MED12: variants seen among roughly 807,000 people sequenced by gnomAD.
The protein encoded by MED12 is mediator of RNA polymerase II transcription subunit 12.
Under a neutral mutation model 177.7 loss-of-function variants are expected in MED12, and 10 were observed. The ratio of observed to expected loss-of-function variants is 0.06; its 90% CI spans 0.03 to 0.10. The LOEUF (loss-of-function observed/expected upper bound fraction) is 0.10, where lower values mean the gene tolerates loss of function less well. Ranked by LOEUF, MED12 falls within the 10% of genes least tolerant of loss-of-function variation. MED12 has a pLI of 1.00. For synonymous variants in MED12, 641 were observed against 678.4 expected (o/e 0.94, Z 0.86); for missense variants, 867 against 1,780.8 (o/e 0.49, Z 9.23).
rs756037504 is a variant in MED12 at position 71,129,187 on chromosome X, G to A, written c.3549G>A (p.Pro1183=). The stretch of plus-strand genomic sequence containing the variant: ...TCCTCCTTCACCTTTTCAAGACACC[G>A]CAGCTCAATCCTTGCCAGTCTGATG... ...CRILLHLFKT[P]QLNPCQSDGN... The change falls in exon 25 of 45, where the codon CCG becomes CCA. Residue 1183 remains proline (P), a synonymous_variant. Transcript: ENST00000374080. 9.9e-6 allele frequency: 12 copies of A among 1,210,544 alleles called. No individual in the cohort carries two copies. The highest frequency in any genetic ancestry group is 1.1e-5 in the Non-Finnish European group (10 of 894,590).
At position 71,142,349 on chromosome X, in the gene MED12, A is replaced by G; in HGVS notation, c.*131A>G. On this transcript the variant is annotated 3_prime_UTR_variant, in exon 45 of 45. Transcript: ENST00000374080. The stretch of plus-strand genomic sequence containing the variant: ...CAGGCTCCATTTTTAATAAGTTTTT[A>G]GTATTTTTGTTAATGTGAGGCATTG... 1 of 668,390 alleles carries G rather than the reference A, an allele frequency of 1.5e-6. No homozygotes were observed. The highest frequency in any genetic ancestry group is 2.3e-6 in the Non-Finnish European group (1 of 429,797). The allele number at this position is 668,390 out of a possible 1,213,427, so 55.1% of individuals were successfully genotyped here.
At chrX:71,137,464 G>A in intron 39 of MED12, 81 bp downstream of exon 39, 1 of 1,156,648 alleles carries the variant, frequency 8.6e-7, no homozygotes, top group Admixed American at 2.3e-5. Flanking sequence ...GAGACACTTG[G>A]GATCTTCACA....
chrX:71,125,943 C>A (rs2092302266), intron 17 of MED12, 93 bp from the exon 18 acceptor site: 1 of 573,085 alleles, frequency 1.7e-6, no homozygotes, highest in South Asian at 2.3e-5. Flanking sequence ...CCCTCCCTCC[C>A]TCCCATAGCC....
chrX:71,139,847 C>T lies in MED12; in HGVS notation c.6045-788C>T, dbSNP rs927167152. On this transcript the variant is annotated intron_variant, in intron 41 of 44. Transcript: ENST00000374080. ...CTGAGAGGTGGAGGTTGCAGTGAGC[C>T]GAGATCGCATCATTGCACTCCAGCC... 6.4e-5 allele frequency among the ~76,000 whole-genome samples: 7 copies of T among 108,776 alleles called. No homozygotes were observed. In the East Asian group the frequency reaches 1.2e-3, roughly 19 times the overall value. The allele number at this position is 108,776 out of a possible 115,157, so 94.5% of individuals were successfully genotyped here.
In MED12 at chrX:71,130,088, G is replaced by A; in HGVS notation, c.3921G>A (p.Leu1307=). The A allele has an allele frequency of 8.3e-7, 1 of 1,209,955 alleles. No homozygotes were observed. Among genetic ancestry groups the A allele is most frequent in the Non-Finnish European group, 1.1e-6 (1 of 894,472 alleles). The stretch of plus-strand genomic sequence containing the variant: ...CTCTGTGTGAGGACAGCAATGACCT[G>A]CAAGACCCAGTGTTGAGTAGTGCCC... ...LKSLCEDSND[L]QDPVLSSAQA... The change falls in exon 28 of 45, where the codon CTG becomes CTA. Residue 1307 remains leucine, a synonymous_variant. Coordinates refer to ENST00000374080, the MANE Select transcript of MED12 (RefSeq NM_005120.3).
At chrX:71,131,142 T>G (rs1602300809) in intron 28 of MED12, among the ~76,000 whole-genome samples, 1 of 105,653 alleles carries the variant, frequency 9.5e-6, no homozygotes, top group East Asian at 2.9e-4. Flanking sequence ...TTTTTTTTTT[T>G]TTTGAGACGG....
chrX:71,122,301 G>T lies in MED12; in HGVS notation c.1203G>T (p.Pro401=), dbSNP rs368546216. The T allele has an allele frequency of 2.5e-6, 3 of 1,210,048 alleles. No homozygotes were observed. The African/African-American group carries it at 5.2e-5, about 21-fold the overall frequency. Residue 401 remains proline (P), a synonymous_variant, in exon 8 of 45, where the codon CCG becomes CCT. Coordinates refer to ENST00000374080, the MANE Select transcript of MED12 (RefSeq NM_005120.3). ...GSPLDHLPIA[P]SNLPMPEGNS... The stretch of plus-strand genomic sequence containing the variant: ...CACTTGACCACTTGCCTATTGCCCC[G>T]TCCAACCTGCCCATGCCAGAGGGTA...
chrX:71,140,595 C>T (rs2092344474), intron 41 of MED12, 40 bp from the exon 42 acceptor site: 1 of 1,211,263 alleles, frequency 8.3e-7, no homozygotes, highest in Non-Finnish European at 1.1e-6. Context: ...CTCTCCTCAC[C>T]TCCCTCATGC....
At chrX:71,126,894 C>T in intron 19 of MED12, 75 bp from the exon 20 acceptor site, 2 of 1,076,060 alleles carry the variant, frequency 1.9e-6, no homozygotes, top group East Asian at 3.0e-5. Context: ...GCCTTGCCAG[C>T]GTCCCCACAG....
chrX:71,128,267 T>C lies in MED12; in HGVS notation c.3210-29T>C, dbSNP rs181504913. 5 of 1,209,788 alleles carry C rather than the reference T, an allele frequency of 4.1e-6. No individual in the cohort carries two copies. The African/African-American group carries it at 5.3e-5, about 13-fold the overall frequency. ...TCTGAGGTTTTGTGGAGCAAGGTTTTTCCTGAGGGCATTTGTACTTTTCCC... is the reference window on the plus strand; with the variant it reads ...TCTGAGGTTTTGTGGAGCAAGGTTTCTCCTGAGGGCATTTGTACTTTTCCC... On this transcript the variant is annotated intron_variant, in intron 22 of 44. Transcript: ENST00000374080.
intron 31 of MED12, 99 bp downstream of exon 31, chrX:71,132,637 A>T: frequency 1.1e-5 from 11 of 1,032,785 alleles, no homozygotes; most frequent in East Asian, 6.6e-5. Context: ...CATCATAGGA[A>T]AGTGGAAAAT....
At chrX:71,141,541 C>T (rs1015646021) in intron 43 of MED12, among the ~76,000 whole-genome samples, 171 bp downstream of exon 43, 1 of 112,345 alleles carries the variant, frequency 8.9e-6, no homozygotes. Context: ...GTAATCCCAG[C>T]ACTTTGGGAG....
Position 71,132,447 on chromosome X carries a change from C to T in MED12, c.4324C>T (p.His1442Tyr). ...IAKLPTSVQG[H>Y]VLKAAGEELE... ...TAAACTGCCCACCTCAGTCCAGGGA[C>T]ATGTGTTAAAGGCTGCTGGGGAAGA... Residue 1442 changes from histidine to tyrosine, a missense_variant, in exon 31 of 45, where the codon CAT becomes TAT. This residue lies in a region of MED12 where 17 missense variants were observed against 76.7 expected (regional missense o/e 0.22). Coordinates refer to ENST00000374080, the MANE Select transcript of MED12 (RefSeq NM_005120.3). 8.3e-7 allele frequency: 1 copy of T among 1,210,871 alleles called. No homozygotes were observed. Among genetic ancestry groups the T allele is most frequent in the Non-Finnish European group, 1.1e-6 (1 of 895,109 alleles).
rs759205860 is a variant in MED12, at chrX:71,126,388, G to A, written c.2589G>A (p.Met863Ile). 2 of 1,211,880 alleles carry A rather than the reference G, an allele frequency of 1.7e-6. No homozygotes were observed. Residue 863 changes from methionine (M) to isoleucine (I), a missense_variant, in exon 19 of 45, where the codon ATG becomes ATA. Met to Ile is a conservative substitution (Grantham distance 10, BLOSUM62 1). This residue lies in a region of MED12 where 11 missense variants were observed against 61.2 expected (regional missense o/e 0.18). Transcript: ENST00000374080. ...LEQITSFALG[M>I]SYHLPLVQHV... The stretch of plus-strand genomic sequence containing the variant: ...AGATCACGAGCTTTGCCCTTGGCAT[G>A]TCATACCACTTGCCTCTGGTGCAGC...
intron 26 of MED12, 78 bp from the exon 27 acceptor site, chrX:71,129,602 C>G: frequency 8.9e-7 from 1 of 1,128,454 alleles, no homozygotes; most frequent in Non-Finnish European, 1.2e-6. Flanking sequence ...GTGTTTCTAC[C>G]TCTGTGGGCC....
chrX:71,125,029 G>A lies in MED12; in HGVS notation c.2109G>A (p.Lys703=). Residue 703 remains lysine (K), a synonymous_variant, in exon 15 of 45, where the codon AAG becomes AAA. Coordinates refer to ENST00000374080, the MANE Select transcript of MED12 (RefSeq NM_005120.3). The part of the protein sequence containing the change: ...CEGKGSPSPE[K]PDVEKEVKPP... ...GGAAGGGCAGTCCATCCCCTGAGAA[G>A]CCAGATGTCGAGAAGGAGGTGAAGC... The A allele has an allele frequency of 8.3e-7, 1 of 1,211,060 alleles. No homozygotes were observed. The highest frequency in any genetic ancestry group is 1.1e-6 in the Non-Finnish European group (1 of 895,340).
chrX:71,123,490 A>C (rs2092295028), intron 11 of MED12, 104 bp from the exon 12 acceptor site: 2 of 1,011,538 alleles, frequency 2.0e-6, no homozygotes, highest in African/African-American at 3.7e-5. Context: ...TGAAAGTGAA[A>C]AGCATGGGGT....
At chrX:71,137,429 G>A (rs978714023) in intron 39 of MED12, 46 bp downstream of exon 39, 1 of 1,179,850 alleles carries the variant, frequency 8.5e-7, no homozygotes, top group African/African-American at 1.8e-5. Flanking sequence ...CAGGGAGAGG[G>A]GCTTTTGAGG....
At chrX:71,134,496 T>TTCA (rs750957359) in intron 34 of MED12, 30 bp downstream of exon 34, 5 of 1,004,091 alleles carry the variant, frequency 5.0e-6, no homozygotes, top group Non-Finnish European at 5.5e-6. Context: ...TCCCTGCAGT[T>TTCA]TCATACCCAA....
Sources: gnomAD v4.1 joint callset for allele counts (sites outside exome capture counted in the v4.1 genomes callset) on GRCh38, gnomAD v4.1.1 for gene constraint, gnomAD v4.1.1 regional missense constraint, MANE v1.5 for transcripts, NCBI Gene and HGNC (gene_info 2026-07-23, HGNC 2026-07-21) for gene names.